Variants in KIZ observed in about 807,000 individuals in gnomAD.
KIZ encodes the protein kizuna centrosomal protein, also known as centrosomal protein kizuna.
Under a neutral mutation model 79.6 loss-of-function variants are expected in KIZ, and 68 were observed. The ratio of observed to expected loss-of-function variants is 0.85; its 90% CI spans 0.70 to 1.05. KIZ has a LOEUF of 1.05. KIZ is among the 50% of genes least tolerant of loss of function. The pLI is 0.00. For synonymous variants in KIZ, 280 were observed against 281.8 expected, an observed-to-expected ratio of 0.99 and a Z score of 0.06; for missense variants, 797 against 800.4, an observed-to-expected ratio of 1.00 and a Z score of 0.05.
intron 1 of KIZ, among the ~76,000 whole-genome samples, chr20:21,130,477 G>T (rs750876348): frequency 2.0e-5 from 3 of 152,122 alleles, no homozygotes; most frequent in African/African-American, 7.2e-5. Context: ...GAAACTCTAG[G>T]GGGGGAATGG....
At chr20:21,237,301 CA>C (rs72536116) in intron 11 of KIZ, among the ~76,000 whole-genome samples, 1,299 of 58,652 alleles carry the variant, frequency 0.022, 13 homozygotes, top group Admixed American at 0.081. Context: ...AACTCCGTCT[CA>C]AAAAAAAAAA....
chr20:21,208,735 C>G (rs909015536), intron 7 of KIZ, among the ~76,000 whole-genome samples: 1 of 151,928 alleles, frequency 6.6e-6, no homozygotes, highest in Non-Finnish European at 1.5e-5. Flanking sequence ...CAGGTAATTT[C>G]TCATCCAGTT....
At chr20:21,179,285 A>G (rs1480182840) in intron 6 of KIZ, among the ~76,000 whole-genome samples, 1 of 142,458 alleles carries the variant, frequency 7.0e-6, no homozygotes. Context: ...TGTTCAGACT[A>G]TTTCTTTATT....
At chr20:21,182,559 G>A (rs562318479) in intron 6 of KIZ, among the ~76,000 whole-genome samples, 2 of 152,268 alleles carry the variant, frequency 1.3e-5, no homozygotes, top group South Asian at 4.2e-4. Context: ...ACTTTGGGAA[G>A]CCAAGGTGGG....
chr20:21,213,655 C>T (rs2036165662), intron 7 of KIZ: 1 of 152,166 alleles, frequency 6.6e-6, no homozygotes, highest in South Asian at 2.1e-4. Flanking sequence ...CAATGGTTAT[C>T]TACTAAAAGT....
intron 6 of KIZ, chr20:21,166,510 C>A (rs149008454): frequency 2.6e-6 from 4 of 1,553,426 alleles, no homozygotes; most frequent in Non-Finnish European, 3.5e-6. Flanking sequence ...CTTTGGAGCA[C>A]GGCCTAATAA....
In KIZ at chr20:21,181,850, A is replaced by C. The variant is rs531612426; in HGVS notation, c.1352+18691A>C. 2.8e-3 allele frequency among the ~76,000 whole-genome samples: 428 copies of C among 152,364 alleles called. 3 individuals are homozygous for C. The highest frequency in any genetic ancestry group is 4.6e-3 in the Non-Finnish European group (315 of 68,042). ...CAGGATGCTGTTGGTTGCCAATAAC[A>C]GGAACACTGTCTGAAACACAGATGC... On this transcript the variant is annotated intron_variant, in intron 6 of 12. Transcript: ENST00000619189.
rs6137293 is a variant in KIZ at position 21,215,552 on chromosome 20, A to T, written c.1613-31A>T. 23,406 of 1,375,896 alleles carry T rather than the reference A, an allele frequency of 0.017. 1,704 individuals are homozygous for T. In the East Asian group the frequency reaches 0.21, roughly 12 times the overall value. The allele number at this position is 1,375,896 out of a possible 1,614,324, so 85.2% of individuals were successfully genotyped here. A position where few individuals can be genotyped will look rare whatever the true frequency, so the allele number is the denominator to read the frequency against. ...AGGATCTATTCCTTAACTTTGAAAT[A>T]CTTTTTTTTTATTATGCATTCAATT... On this transcript the variant is annotated intron_variant, in intron 8 of 12. Coordinates refer to ENST00000619189, the MANE Select transcript of KIZ (RefSeq NM_018474.6).
intron 6 of KIZ, among the ~76,000 whole-genome samples, chr20:21,193,396 G>GCAAAGTAA (rs1373101014): frequency 1.3e-5 from 2 of 152,092 alleles, no homozygotes; most frequent in East Asian, 3.9e-4. Flanking sequence ...GTAATTCTCA[G>GCAAAGTAA]TTTGCAATTC....
chr20:21,223,653 TTCTC>T (rs1008937909), intron 9 of KIZ, among the ~76,000 whole-genome samples: 6 of 151,726 alleles, frequency 4.0e-5, no homozygotes, highest in East Asian at 1.9e-4. Context: ...ATATCCTATT[TTCTC>T]TCTCTCTCTT....
intron 4 of KIZ, among the ~76,000 whole-genome samples, chr20:21,150,668 C>T (rs1034597789): frequency 6.6e-6 from 1 of 152,122 alleles, no homozygotes; most frequent in Admixed American, 6.6e-5. Context: ...ATTTCAAGCC[C>T]TGGCCCTAAA....
chr20:21,149,397 C>A (rs1220053352), intron 4 of KIZ, among the ~76,000 whole-genome samples: 1 of 151,982 alleles, frequency 6.6e-6, no homozygotes, highest in Admixed American at 6.5e-5. Context: ...GAGGACCCGC[C>A]CCCTAAACTG....
At chr20:21,175,685 C>G (rs909678073) in intron 6 of KIZ, among the ~76,000 whole-genome samples, 9 of 152,188 alleles carry the variant, frequency 5.9e-5, no homozygotes, top group African/African-American at 2.2e-4. Context: ...AATTATACAA[C>G]TGAATGAACC....
chr20:21,205,637 G>A lies in KIZ; in HGVS notation c.1446+53G>A, dbSNP rs2123188665. The stretch of plus-strand genomic sequence containing the variant: ...CCCAATCACAAATGTGGACCACAGG[G>A]TAAGGTTAGTAATTTTTATTTAAAA... On this transcript the variant is annotated intron_variant, in intron 7 of 12. Coordinates refer to ENST00000619189, the MANE Select transcript of KIZ (RefSeq NM_018474.6). 8.3e-6 allele frequency: 6 copies of A among 722,242 alleles called. No homozygotes were observed. In the East Asian group the frequency reaches 1.2e-4, roughly 14 times the overall value. 44.7% of individuals were successfully genotyped at this position (722,242 alleles called of 1,614,324 possible).
intron 6 of KIZ, chr20:21,195,563 A>G (rs958358206): frequency 1.3e-5 from 2 of 152,244 alleles, no homozygotes; most frequent in Admixed American, 1.3e-4. Context: ...TCCTTGCTCC[A>G]GGTTTGCATC....
chr20:21,205,127 T>TAAATAAATAA (rs1321114160), intron 6 of KIZ, among the ~76,000 whole-genome samples: 1 of 151,894 alleles, frequency 6.6e-6, no homozygotes, highest in Non-Finnish European at 1.5e-5. Flanking sequence ...CCAATGAGAC[T>TAAATAAATAA]AAATAAATAA....
intron 6 of KIZ, among the ~76,000 whole-genome samples, chr20:21,176,214 G>A (rs903738908): frequency 4.6e-5 from 7 of 152,138 alleles, no homozygotes; most frequent in Non-Finnish European, 1.0e-4. Flanking sequence ...AGAGGCTGAG[G>A]CACAAGAATT....
intron 3 of KIZ, among the ~76,000 whole-genome samples, chr20:21,137,474 CTTTT>C (rs34442176): frequency 2.9e-5 from 4 of 136,550 alleles, no homozygotes; most frequent in Non-Finnish European, 3.2e-5. Flanking sequence ...GCCCCCCTAC[CTTTT>C]TTTTTTTTTT....
intron 7 of KIZ, among the ~76,000 whole-genome samples, chr20:21,207,902 A>G (rs1193991481): frequency 3.3e-5 from 5 of 152,128 alleles, no homozygotes. Flanking sequence ...TAGTAGAGAC[A>G]GGGTTTCACC....
Sources: gnomAD v4.1 joint callset for allele counts (sites outside exome capture counted in the v4.1 genomes callset) on GRCh38, gnomAD v4.1.1 for gene constraint, MANE v1.5 for transcripts, NCBI Gene and HGNC (gene_info 2026-07-23, HGNC 2026-07-21) for gene names.